PRH1: variants seen among roughly 807,000 people sequenced by gnomAD.
PRH1 encodes the protein proline rich protein HaeIII subfamily 1, also known as salivary acidic proline-rich phosphoprotein 1/2.
In PRH1, 7 loss-of-function variants were observed where a neutral mutation model predicts 7.9. That is an observed-to-expected ratio of 0.89 (90% CI 0.50 to 1.67). The LOEUF (loss-of-function observed/expected upper bound fraction) is 1.67. Among genes scored for constraint, PRH1 ranks in the 40% most tolerant of loss-of-function variants. PRH1 has a pLI of 0.00. For synonymous variants in PRH1, 45 were observed against 80.8 expected, an observed-to-expected ratio of 0.56 and a Z score of 2.38; for missense variants, 109 against 223.6, an observed-to-expected ratio of 0.49 and a Z score of 3.27.
chr12:11,083,006 G>T (rs1456878953), intron 1 of PRH1, among the ~76,000 whole-genome samples: 15 of 101,450 alleles, frequency 1.5e-4, no homozygotes, highest in South Asian at 5.3e-4. Flanking sequence ...ATCTTTCTAT[G>T]AATTTTTCTT....
chr12:11,126,263 C>A lies in PRH1; in HGVS notation n.40-5083G>T, dbSNP rs114311364. ...ACTGTGCCAGTTGTTACAATAATCA[C>A]TCTTGGGTCTCACTTTAGAATTTCG... On this transcript the variant is annotated intron_variant and non_coding_transcript_variant, in intron 1 of 1. Transcript: ENST00000541175. Among the ~76,000 whole-genome samples the A allele has an allele frequency of 5.3e-3, 807 of 152,262 alleles. 12 individuals carry two copies. Among genetic ancestry groups the A allele is most frequent in the African/African-American group, 0.018 (765 of 41,540 alleles).
At chr12:11,131,237 TAGCCC>T (rs2136358297) in intron 1 of PRH1, among the ~76,000 whole-genome samples, 1 of 152,386 alleles carries the variant, frequency 6.6e-6, no homozygotes, top group South Asian at 2.1e-4. Context: ...TTTCCCTTTG[TAGCCC>T]TTCTGGAAAA....
chr12:10,909,903 A>C (rs1369908398), intron 2 of PRH1, among the ~76,000 whole-genome samples: 1 of 152,194 alleles, frequency 6.6e-6, no homozygotes, highest in Non-Finnish European at 1.5e-5. Flanking sequence ...CAAAGCATCC[A>C]TCTTTCTCAT....
intron 1 of PRH1, among the ~76,000 whole-genome samples, chr12:11,038,351 T>C (rs1421292654): frequency 1.2e-5 from 1 of 80,698 alleles, no homozygotes; most frequent in African/African-American, 2.9e-5. Flanking sequence ...ATAATCCCAA[T>C]ATATGTCTTC....
At chr12:11,070,386 G>A (rs1261450379) in intron 1 of PRH1, among the ~76,000 whole-genome samples, 2 of 146,056 alleles carry the variant, frequency 1.4e-5, no homozygotes, top group Non-Finnish European at 3.0e-5. Flanking sequence ...TACCACACAT[G>A]TGAGCAGCCC....
At chr12:10,994,458 T>G (rs1940108339) in intron 1 of PRH1, among the ~76,000 whole-genome samples, 1 of 152,222 alleles carries the variant, frequency 6.6e-6, no homozygotes, top group Non-Finnish European at 1.5e-5. Flanking sequence ...AGTGCATGCA[T>G]CTGATAACCA....
chr12:11,071,018 C>T (rs996769844), intron 1 of PRH1, among the ~76,000 whole-genome samples: 7 of 141,350 alleles, frequency 5.0e-5, no homozygotes, highest in East Asian at 4.0e-4. Context: ...TCCCCTTTCC[C>T]TTTGTTCCCT....
intron 2 of PRH1, among the ~76,000 whole-genome samples, chr12:10,950,945 A>C (rs1950561222): frequency 6.6e-6 from 1 of 152,138 alleles, no homozygotes. Flanking sequence ...GATCCCCTTT[A>C]AGGTCTTGAT....
Position 11,092,301 on chromosome 12 carries a change from G to A in PRH1, n.124-45113C>T, listed in dbSNP as rs776239131. The A allele has an allele frequency of 9.5e-5, 97 of 1,025,180 alleles. 3 individuals are homozygous for A. Among genetic ancestry groups the A allele is most frequent in the Non-Finnish European group, 1.3e-4 (91 of 696,570 alleles). The allele number at this position is 1,025,180 out of a possible 1,614,324, so 63.5% of individuals were successfully genotyped here. A position where few individuals can be genotyped will look rare whatever the true frequency, so the allele number is the denominator to read the frequency against. On this transcript the variant is annotated intron_variant and non_coding_transcript_variant, in intron 1 of 4. Coordinates refer to the PRH1 transcript ENST00000541977. Reference sequence around the variant, plus strand: ...GGAATTGGTTCCTGCAGGTGGGTTCGTGGTCTCGCTGACTTCAAAAGGGAG... The same window carrying A: ...GGAATTGGTTCCTGCAGGTGGGTTCATGGTCTCGCTGACTTCAAAAGGGAG...
intron 1 of PRH1, among the ~76,000 whole-genome samples, chr12:11,103,030 A>C (rs1945302111): frequency 6.6e-6 from 1 of 152,196 alleles, no homozygotes; most frequent in Admixed American, 6.5e-5. Context: ...ATCATTAAAA[A>C]GTCAGGAAAC....
intron 1 of PRH1, chr12:11,030,448 T>G (rs773053386): frequency 8.1e-6 from 13 of 1,614,106 alleles, no homozygotes; most frequent in African/African-American, 2.7e-5. Flanking sequence ...AGTACCTCAC[T>G]TGCCGCAAAA....
intron 2 of PRH1, among the ~76,000 whole-genome samples, chr12:10,899,983 T>C (rs1207914122): frequency 6.6e-6 from 1 of 152,110 alleles, no homozygotes; most frequent in Non-Finnish European, 1.5e-5. Context: ...TCATCACATA[T>C]TTAAGAAGAA....
intron 1 of PRH1, among the ~76,000 whole-genome samples, chr12:11,154,960 T>C (rs1467202044): frequency 6.6e-6 from 1 of 152,168 alleles, no homozygotes; most frequent in Non-Finnish European, 1.5e-5. Context: ...GCCCCAATAG[T>C]ATACAGTTGT....
chr12:11,168,200 CGAA>C (rs1947641357), intron 1 of PRH1, among the ~76,000 whole-genome samples: 3 of 36,392 alleles, frequency 8.2e-5, no homozygotes, highest in Admixed American at 4.5e-4. Flanking sequence ...TGGCAAAAAA[CGAA>C]AGAAAGAAAG....
chr12:10,965,258 G>C (rs11054097), intron 2 of PRH1: 368,630 of 1,455,690 alleles, frequency 0.25, 44,709 homozygotes, highest in Non-Finnish European at 0.26. Context: ...CCACTCAATG[G>C]AATTTACCAA....
chr12:11,046,633 T>C (rs554384416), intron 1 of PRH1, among the ~76,000 whole-genome samples: 2 of 152,280 alleles, frequency 1.3e-5, no homozygotes, highest in African/African-American at 2.4e-5. Flanking sequence ...TATCTGCCTA[T>C]TTTGTTCATT....
intron 1 of PRH1, among the ~76,000 whole-genome samples, chr12:11,029,763 A>G (rs1377846294): frequency 1.3e-5 from 2 of 152,218 alleles, no homozygotes; most frequent in Non-Finnish European, 2.9e-5. Context: ...TATGGTAGAC[A>G]TACATTAAAT....
At chr12:10,887,171 C>T (rs951331062), upstream of PRH1, among the ~76,000 whole-genome samples, 63 of 152,158 alleles carry the variant, frequency 4.1e-4, no homozygotes, top group African/African-American at 1.4e-3. Flanking sequence ...GAATCTTCTT[C>T]GACTTCACCA....
intron 1 of PRH1, among the ~76,000 whole-genome samples, chr12:10,974,913 A>C (rs994885238): frequency 3.3e-5 from 5 of 152,248 alleles, no homozygotes; most frequent in African/African-American, 1.2e-4. Flanking sequence ...AAAATGATGC[A>C]GAAGTTGAAA....
Sources: allele counts gnomAD v4.1 joint callset (sites outside exome capture counted in the v4.1 genomes callset), GRCh38; gene constraint gnomAD v4.1.1; transcripts MANE v1.5; gene names NCBI Gene and HGNC (gene_info 2026-07-23, HGNC 2026-07-21).